Variants in KANSL1L observed in about 807,000 individuals in gnomAD.
KANSL1L encodes KAT8 regulatory NSL complex subunit 1 like.
A neutral mutation model predicts 108.6 loss-of-function variants in KANSL1L; 25 were observed. The ratio of observed to expected loss-of-function variants is 0.23; its 90% CI spans 0.17 to 0.32. KANSL1L has a LOEUF of 0.32. Ranked by LOEUF, KANSL1L falls within the 10% of genes least tolerant of loss-of-function variation. The pLI, the probability that KANSL1L is intolerant of heterozygous loss-of-function variation, is 1.00. For missense variants in KANSL1L, 1,137 were observed against 1,125.7 expected (o/e 1.01, Z -0.14); for synonymous variants, 405 against 395.1 (o/e 1.03, Z -0.30).
rs1347634348 is a variant in KANSL1L, at chr2:210,022,532, A to G, written c.*417T>C. ...TACACACATATTTGTATATTCTAAT[A>G]TATTACTAAGGCAATTTTAATGAAT... On this transcript the variant is annotated 3_prime_UTR_variant, in exon 15 of 15. Transcript: ENST00000281772. The G allele has an allele frequency of 1.1e-5, 2 of 174,232 alleles. No individual in the cohort carries two copies. Among genetic ancestry groups the G allele is most frequent in the South Asian group, 1.4e-4 (1 of 7,374 alleles). The allele number at this position is 174,232 out of a possible 1,614,324, so 10.8% of individuals were successfully genotyped here.
intron 1 of KANSL1L, chr2:210,170,503 A>G (rs1575661457): frequency 2.3e-6 from 1 of 432,294 alleles, no homozygotes; most frequent in East Asian, 1.6e-4. Flanking sequence ...GCTACCAAAC[A>G]CCACGCAATC....
At chr2:210,119,979 G>T (rs1358457765) in intron 3 of KANSL1L, among the ~76,000 whole-genome samples, 2 of 152,166 alleles carry the variant, frequency 1.3e-5, no homozygotes, top group Admixed American at 1.3e-4. Context: ...AACAAGAACA[G>T]ACACAAAGAC....
chr2:210,152,413 G>A (rs1285450783), intron 2 of KANSL1L: 2 of 152,170 alleles, frequency 1.3e-5, no homozygotes, highest in Non-Finnish European at 2.9e-5. Flanking sequence ...AGATGGCATA[G>A]ACATAAAAGA....
At chr2:210,147,807 T>C (rs1477030555) in intron 2 of KANSL1L, among the ~76,000 whole-genome samples, 1 of 152,216 alleles carries the variant, frequency 6.6e-6, no homozygotes, top group African/African-American at 2.4e-5. Context: ...ATCTTGGCAC[T>C]GAGTTTCTAC....
chr2:210,132,248 G>A (rs1393053722), intron 2 of KANSL1L, among the ~76,000 whole-genome samples: 1 of 152,046 alleles, frequency 6.6e-6, no homozygotes, highest in Non-Finnish European at 1.5e-5. Context: ...CAATGTTAAT[G>A]GTTTACATAA....
At chr2:210,064,941 T>G (rs982813848) in intron 6 of KANSL1L, among the ~76,000 whole-genome samples, 43 of 151,840 alleles carry the variant, frequency 2.8e-4, no homozygotes, top group African/African-American at 1.0e-3. Flanking sequence ...AGGCAGAATG[T>G]GCAAAGGGCC....
intron 2 of KANSL1L, among the ~76,000 whole-genome samples, chr2:210,149,642 A>AGTT (rs2095288517): frequency 6.6e-6 from 1 of 151,950 alleles, no homozygotes; most frequent in Non-Finnish European, 1.5e-5. Context: ...GTATTTAATG[A>AGTT]CCTAAGATAG....
At chr2:210,103,980 C>A (rs1261949489) in intron 4 of KANSL1L, 124 bp downstream of exon 4, 2 of 657,878 alleles carry the variant, frequency 3.0e-6, no homozygotes, top group African/African-American at 1.8e-5. Flanking sequence ...GTATTTAATG[C>A]CAGATGGCCT....
At chr2:210,121,412 G>A (rs1363271292) in intron 3 of KANSL1L, among the ~76,000 whole-genome samples, 3 of 152,216 alleles carry the variant, frequency 2.0e-5, no homozygotes, top group African/African-American at 4.8e-5. Context: ...ACCAAATATC[G>A]CATGTTCTCA....
At chr2:210,096,420 A>C in intron 5 of KANSL1L, 1 of 850,960 alleles carries the variant, frequency 1.2e-6, no homozygotes, top group Non-Finnish European at 1.4e-6. Flanking sequence ...GGACTTGACT[A>C]TGTGGCATAC....
intron 1 of KANSL1L, chr2:210,170,447 T>C (rs2125699600): frequency 1.1e-6 from 1 of 931,614 alleles, no homozygotes; most frequent in Non-Finnish European, 1.3e-6. Flanking sequence ...GCCTCTTTCC[T>C]TTCCTGTGGT....
intron 1 of KANSL1L, among the ~76,000 whole-genome samples, chr2:210,159,818 G>A (rs12694195): frequency 0.91 from 138,478 of 152,234 alleles, 64,477 homozygotes; most frequent in East Asian, 1. Context: ...TTGGGAGGCC[G>A]AGGCAGGCGG....
intron 5 of KANSL1L, among the ~76,000 whole-genome samples, chr2:210,084,090 C>T (rs550098892): frequency 1.3e-5 from 2 of 152,080 alleles, no homozygotes; most frequent in Admixed American, 1.3e-4. Flanking sequence ...TTGTAGTACA[C>T]TGTAAAATGA....
At chr2:210,082,047 C>T (rs2094594442) in intron 5 of KANSL1L, among the ~76,000 whole-genome samples, 1 of 152,124 alleles carries the variant, frequency 6.6e-6, no homozygotes, top group African/African-American at 2.4e-5. Context: ...GATGCTCCTG[C>T]CTCAGGCCTC....
chr2:210,034,504 G>A (rs2094073144), intron 8 of KANSL1L, among the ~76,000 whole-genome samples: 1 of 152,186 alleles, frequency 6.6e-6, no homozygotes, highest in Admixed American at 6.5e-5. Flanking sequence ...TGTAGATAGG[G>A]CTTTAAGGTG....
chr2:210,062,708 A>C (rs2125280102), intron 6 of KANSL1L, among the ~76,000 whole-genome samples: 1 of 152,294 alleles, frequency 6.6e-6, no homozygotes. Flanking sequence ...GATCTATAGA[A>C]CTTTGAACTT....
At chr2:210,118,390 T>A (rs763499733) in intron 3 of KANSL1L, among the ~76,000 whole-genome samples, 6 of 141,624 alleles carry the variant, frequency 4.2e-5, no homozygotes, top group Non-Finnish European at 7.5e-5. Flanking sequence ...GTTGCTTGAA[T>A]CGGGAGGTGG....
chr2:210,091,224 T>C (rs890630533), intron 5 of KANSL1L, among the ~76,000 whole-genome samples: 1 of 152,186 alleles, frequency 6.6e-6, no homozygotes, highest in South Asian at 2.1e-4. Flanking sequence ...AAACTAAATA[T>C]CACATTCCTG....
rs541318403 is a variant in KANSL1L at position 210,025,624 on chromosome 2, T to C, written c.2452-408A>G. Among the ~76,000 whole-genome samples the C allele has an allele frequency of 5.8e-4, 88 of 152,324 alleles. 1 individual carries two copies. In the South Asian group the frequency reaches 8.9e-3, roughly 15 times the overall value. ...GAAAACAGTAGGAAGCAAACTAAAA[T>C]AAATGCTATCTGTGTAAGTTGAGAG... is the stretch of plus-strand genomic sequence containing the variant. On this transcript the variant is annotated intron_variant, in intron 12 of 14. Transcript: ENST00000281772.
Sources: gnomAD v4.1 joint callset for allele counts (sites outside exome capture counted in the v4.1 genomes callset) on GRCh38, gnomAD v4.1.1 for gene constraint, MANE v1.5 for transcripts, NCBI Gene and HGNC (gene_info 2026-07-23, HGNC 2026-07-21) for gene names.